DPY19L1: variants seen among roughly 807,000 people sequenced by gnomAD.
DPY19L1 encodes dpy-19 like C-mannosyltransferase 1, also known as protein C-mannosyl-transferase DPY19L1.
Under a neutral mutation model 96.9 loss-of-function variants are expected in DPY19L1, and 35 were observed. The observed-to-expected ratio is 0.36, with a 90% CI of 0.28 to 0.48. The LOEUF (loss-of-function observed/expected upper bound fraction) is 0.48, where lower values mean the gene tolerates loss of function less well. DPY19L1 is among the 20% of genes least tolerant of loss of function. The pLI is 0.99. For missense variants in DPY19L1, 521 were observed against 777.9 expected (o/e 0.67, Z 3.93); for synonymous variants, 205 against 252.6 (o/e 0.81, Z 1.79).
At position 35,017,948 on chromosome 7, in the gene DPY19L1, A is replaced by C; in HGVS notation, c.345T>G (p.Phe115Leu). Residue 115 changes from phenylalanine (F) to leucine (L), a missense_variant, in exon 3 of 22, where the codon TTT becomes TTG. Physicochemically the swap from Phe to Leu is conservative, Grantham distance 22. Coordinates refer to ENST00000638088, the MANE Select transcript of DPY19L1 (RefSeq NM_001366673.1). ...VLHWSHITHL[F>L]ENDRHFSHLS... ...GGTGAGAAAAATGACGGTCATTTTC[A>C]AAGAGGTGTGTTATATGGCTCCTGG... 6.2e-7 allele frequency: 1 copy of C among 1,605,934 alleles called. No homozygotes were observed. The highest frequency in any genetic ancestry group is 8.5e-7 in the Non-Finnish European group (1 of 1,175,654).
chr7:35,037,766 G>A (rs1304797454), upstream of DPY19L1: 1 of 1,133,226 alleles, frequency 8.8e-7, no homozygotes, highest in Non-Finnish European at 1.1e-6. Context: ...GCGCACGCGC[G>A]GACTTCCGGC....
intron 6 of DPY19L1, among the ~76,000 whole-genome samples, chr7:34,991,565 C>T (rs951417620): frequency 3.9e-5 from 6 of 152,090 alleles, no homozygotes; most frequent in African/African-American, 1.2e-4. Context: ...AGTGATTAGA[C>T]ATTAGAAAGG....
intron 6 of DPY19L1, among the ~76,000 whole-genome samples, chr7:35,003,858 A>G (rs1393761609): frequency 1.3e-5 from 2 of 152,340 alleles, no homozygotes; most frequent in Non-Finnish European, 1.5e-5. Context: ...GTTGCAGTCA[A>G]TGACTCAGCC....
upstream of DPY19L1, chr7:35,037,708 CGCCCCCGCCGCCCCTCT>C: frequency 1.7e-6 from 1 of 576,386 alleles, no homozygotes; most frequent in Non-Finnish European, 2.2e-6. Context: ...GCCGCGGCCC[CGCCCCCGCCGCCCCTCT>C]GCGCCGGACG....
At chr7:34,953,337 C>T (rs1784308255) in intron 13 of DPY19L1, among the ~76,000 whole-genome samples, 2 of 152,124 alleles carry the variant, frequency 1.3e-5, no homozygotes, top group Non-Finnish European at 1.5e-5. Flanking sequence ...TAGGCTATGA[C>T]AGAAAATGAC....
chr7:35,034,146 T>C (rs1268745411), intron 1 of DPY19L1, among the ~76,000 whole-genome samples: 2 of 152,164 alleles, frequency 1.3e-5, no homozygotes, highest in Non-Finnish European at 2.9e-5. Flanking sequence ...ATCATCCACT[T>C]TTCCCATACT....
chr7:34,947,627 T>C lies in DPY19L1; in HGVS notation c.1494+3A>G. 6.2e-7 allele frequency: 1 copy of C among 1,609,790 alleles called. No individual in the cohort carries two copies. Among genetic ancestry groups the C allele is most frequent in the Non-Finnish European group, 8.5e-7 (1 of 1,177,544 alleles). ...AGAAAGAGCTCTTAAGTGATAGACA[T>C]ACCTTTCTAACAATAGCAACAAACA... On this transcript the variant is annotated splice_donor_region_variant and intron_variant, in intron 15 of 21. Coordinates refer to ENST00000638088, the MANE Select transcript of DPY19L1 (RefSeq NM_001366673.1).
At chr7:34,949,920 A>G in intron 13 of DPY19L1, 22 bp from the exon 14 acceptor site, 1 of 1,324,092 alleles carries the variant, frequency 7.6e-7, no homozygotes, top group African/African-American at 1.5e-5. Flanking sequence ...TAAAGTTACC[A>G]TTATATTAAG....
At chr7:35,035,495 G>T (rs757836475) in intron 1 of DPY19L1, among the ~76,000 whole-genome samples, 1 of 152,182 alleles carries the variant, frequency 6.6e-6, no homozygotes, top group African/African-American at 2.4e-5. Flanking sequence ...CATCCCTGAA[G>T]AAGCAATGCC....
chr7:35,028,500 A>C (rs564522965), intron 1 of DPY19L1, among the ~76,000 whole-genome samples: 15 of 152,244 alleles, frequency 9.9e-5, no homozygotes, highest in African/African-American at 3.4e-4. Flanking sequence ...ACTCAACGTA[A>C]GTGTTTTGAA....
intron 8 of DPY19L1, among the ~76,000 whole-genome samples, chr7:34,971,965 G>A (rs560292393): frequency 6.6e-5 from 10 of 152,306 alleles, no homozygotes; most frequent in South Asian, 2.1e-4. Flanking sequence ...AATGTATCCC[G>A]GATTATCCAG....
intron 8 of DPY19L1, among the ~76,000 whole-genome samples, chr7:34,972,192 C>T (rs372942369): frequency 6.6e-6 from 1 of 152,336 alleles, no homozygotes; most frequent in East Asian, 1.9e-4. Context: ...AAAATTGATT[C>T]TCTCCCCTCC....
At chr7:34,961,177 C>A (rs1293588113) in intron 10 of DPY19L1, among the ~76,000 whole-genome samples, 1 of 152,114 alleles carries the variant, frequency 6.6e-6, no homozygotes, top group African/African-American at 2.4e-5. Context: ...TATAAACAAC[C>A]CAGTATAGAG....
rs770493472 is a variant in DPY19L1, at chr7:34,940,035, G to A, written c.1864+118C>T. 2.3e-5 allele frequency: 20 copies of A among 887,890 alleles called. 1 individual carries two copies. Among genetic ancestry groups the A allele is most frequent in the Non-Finnish European group, 3.2e-5 (20 of 633,434 alleles). 55.0% of individuals were successfully genotyped at this position (887,890 alleles called of 1,614,324 possible). On this transcript the variant is annotated intron_variant, in intron 19 of 21. Coordinates refer to ENST00000638088, the MANE Select transcript of DPY19L1 (RefSeq NM_001366673.1). Reference sequence around the variant, plus strand: ...TTTTAGATATTCTAAAAGCAACATTGCATAGAAAGAGTGAGATCAGTGGAA... The same window carrying A: ...TTTTAGATATTCTAAAAGCAACATTACATAGAAAGAGTGAGATCAGTGGAA...
At position 35,032,800 on chromosome 7, in the gene DPY19L1, A is replaced by G. The variant is rs1224818898; in HGVS notation, c.298+4297T>C. On this transcript the variant is annotated intron_variant, in intron 1 of 21. Transcript: ENST00000638088. ...TAGAGAAGCCAAAAATGTACAAAGT[A>G]TTCATAACTCCTTCCTTTCCCTCAA... is the stretch of plus-strand genomic sequence containing the variant. 2.0e-5 allele frequency among the ~76,000 whole-genome samples: 3 copies of G among 151,994 alleles called. No homozygotes were observed. In the East Asian group the frequency reaches 5.8e-4, roughly 29 times the overall value.
At position 34,929,683 on chromosome 7, in the gene DPY19L1, T is replaced by C. The variant is rs1378992064; in HGVS notation, c.*1890A>G. The C allele has an allele frequency of 1.3e-5, 2 of 152,240 alleles. No homozygotes were observed. The highest frequency in any genetic ancestry group is 1.5e-5 in the Non-Finnish European group (1 of 68,052). 9.4% of individuals were successfully genotyped at this position (152,240 alleles called of 1,614,324 possible). Reference sequence around the variant, plus strand: ...GCGCGCACCTCCCTCTCCCTGCTCATGTCAACTCCCATCCTCAGCCTCAAG... The same window carrying C: ...GCGCGCACCTCCCTCTCCCTGCTCACGTCAACTCCCATCCTCAGCCTCAAG... On this transcript the variant is annotated 3_prime_UTR_variant, in exon 22 of 22. Transcript: ENST00000638088.
In DPY19L1 at chr7:34,940,446, T is replaced by G. The variant is rs192859093; in HGVS notation, c.1690-119A>C. Reference sequence around the variant, plus strand: ...GCTAGAGTCCCAAATAAAGGATTAATTATCCTAAAGAAAAAGCCCCAAAAT... The same window carrying G: ...GCTAGAGTCCCAAATAAAGGATTAAGTATCCTAAAGAAAAAGCCCCAAAAT... On this transcript the variant is annotated intron_variant, in intron 18 of 21. Transcript: ENST00000638088. 39 of 773,834 alleles carry G rather than the reference T, an allele frequency of 5.0e-5. No individual in the cohort carries two copies. In the African/African-American group the frequency reaches 6.4e-4, roughly 13 times the overall value. 47.9% of individuals were successfully genotyped at this position (773,834 alleles called of 1,614,324 possible). A position where few individuals can be genotyped will look rare whatever the true frequency, so the allele number is the denominator to read the frequency against.
chr7:34,930,505 T>C lies in DPY19L1; in HGVS notation c.*1068A>G, dbSNP rs910314428. ...GACAGGCAATCTTAAAAGTAAAATATAAAAACTCCATTTATCATTATTCTT... is the reference window on the plus strand; with the variant it reads ...GACAGGCAATCTTAAAAGTAAAATACAAAAACTCCATTTATCATTATTCTT... On this transcript the variant is annotated 3_prime_UTR_variant, in exon 22 of 22. Coordinates refer to ENST00000638088, the MANE Select transcript of DPY19L1 (RefSeq NM_001366673.1). The C allele has an allele frequency of 6.6e-6, 1 of 152,144 alleles. No individual in the cohort carries two copies. The highest frequency in any genetic ancestry group is 1.5e-5 in the Non-Finnish European group (1 of 68,004). The allele number at this position is 152,144 out of a possible 1,614,324, so 9.4% of individuals were successfully genotyped here.
chr7:34,994,803 C>CA lies in DPY19L1; in HGVS notation c.765-4863dup, dbSNP rs560016715. On this transcript the variant is annotated intron_variant, in intron 6 of 21. Coordinates refer to ENST00000638088, the MANE Select transcript of DPY19L1 (RefSeq NM_001366673.1). Reference sequence around the variant, plus strand: ...TGTGCGACAGAGCAAGATTCCGTCTCAAAAAAAAAAAAAAATCCAATTCCC... The same window carrying CA: ...TGTGCGACAGAGCAAGATTCCGTCTCAAAAAAAAAAAAAAAATCCAATTCCC... 6.9e-3 allele frequency among the ~76,000 whole-genome samples: 859 copies of CA among 123,892 alleles called. 4 individuals carry two copies. Among genetic ancestry groups the CA allele is most frequent in the African/African-American group, 0.011 (382 of 34,496 alleles). The allele number at this position is 123,892 out of a possible 152,430, so 81.3% of individuals were successfully genotyped here.
Sources: allele counts gnomAD v4.1 joint callset (sites outside exome capture counted in the v4.1 genomes callset), GRCh38; gene constraint gnomAD v4.1.1; transcripts MANE v1.5; gene names NCBI Gene and HGNC (gene_info 2026-07-23, HGNC 2026-07-21).